The following NSD2 variants were observed in gnomAD, a reference collection of about 807,000 sequenced individuals.
NSD2 encodes histone-lysine N-methyltransferase NSD2.
In NSD2, 12 loss-of-function variants were observed where a neutral mutation model predicts 139.0. That is an observed-to-expected ratio of 0.09 (90% CI 0.06 to 0.14). NSD2 has a LOEUF of 0.14. Ranked by LOEUF, NSD2 falls within the 10% of genes least tolerant of loss-of-function variation. The probability of loss-of-function intolerance (pLI) is 1.00; values close to 1 mark genes in which losing one functional copy is unlikely to be tolerated. For missense variants in NSD2, 1,155 were observed against 1,745.0 expected (o/e 0.66, Z 6.02); for synonymous variants, 669 against 648.7 (o/e 1.03, Z -0.48).
intron 18 of NSD2, among the ~76,000 whole-genome samples, chr4:1,961,878 T>A (rs1191101795): frequency 6.6e-6 from 1 of 152,204 alleles, no homozygotes; most frequent in East Asian, 1.9e-4. Flanking sequence ...AGTGCCTGAG[T>A]GGTCTTTGAA....
intron 9 of NSD2, chr4:1,943,914 G>A (rs1723361162): frequency 9.4e-6 from 10 of 1,063,944 alleles, no homozygotes; most frequent in Non-Finnish European, 1.1e-5. Flanking sequence ...GCCCATAACT[G>A]ATAGATGCAT....
intron 3 of NSD2, among the ~76,000 whole-genome samples, chr4:1,907,093 G>A (rs1350088437): frequency 2.0e-5 from 3 of 152,160 alleles, no homozygotes; most frequent in Non-Finnish European, 4.4e-5. Context: ...CCAGGGTCTA[G>A]TTAGCTGGCT....
intron 1 of NSD2, among the ~76,000 whole-genome samples, chr4:1,888,757 G>A (rs889407345): frequency 2.6e-5 from 4 of 151,470 alleles, no homozygotes; most frequent in African/African-American, 7.3e-5. Context: ...ATAGAGATGG[G>A]GTTTCACCAT....
intron 7 of NSD2, 74 bp from the exon 8 acceptor site, chr4:1,938,377 C>CT (rs1357281168): frequency 1.3e-3 from 1,288 of 974,764 alleles, no homozygotes; most frequent in East Asian, 1.9e-3. Flanking sequence ...TGTTCTTTTT[C>CT]TTTTTTTTTC....
At chr4:1,947,127 T>C (rs536716634) in intron 9 of NSD2, 12 of 1,065,104 alleles carry the variant, frequency 1.1e-5, no homozygotes, top group East Asian at 1.0e-4. Context: ...TCGCAGACAG[T>C]GCACAGCCTG....
chr4:1,927,964 A>G (rs1371790602), intron 5 of NSD2, among the ~76,000 whole-genome samples: 1 of 151,982 alleles, frequency 6.6e-6, no homozygotes, highest in Non-Finnish European at 1.5e-5. Flanking sequence ...ATCATAGGTC[A>G]CTGCAGCCCT....
At chr4:1,931,475 G>A (rs1441316846) in intron 6 of NSD2, among the ~76,000 whole-genome samples, 1 of 152,046 alleles carries the variant, frequency 6.6e-6, no homozygotes, top group Non-Finnish European at 1.5e-5. Flanking sequence ...GTGGAAAACT[G>A]AGATTTGAAT....
intron 1 of NSD2, among the ~76,000 whole-genome samples, chr4:1,898,837 C>T (rs1050443171): frequency 2.0e-5 from 3 of 152,002 alleles, no homozygotes; most frequent in South Asian, 2.1e-4. Flanking sequence ...GATTTCCCCC[C>T]TCATTTTATA....
At position 1,978,944 on chromosome 4, in the gene NSD2, T is replaced by C; in HGVS notation, c.*35T>C. On this transcript the variant is annotated 3_prime_UTR_variant, in exon 22 of 22. Coordinates refer to ENST00000508803, the MANE Select transcript of NSD2 (RefSeq NM_001042424.3). The stretch of plus-strand genomic sequence containing the variant: ...GCCGCTTGGCCGGATCCAGGGGCGG[T>C]GCAGGGCGGCCGGCCCTGCCTGCGG... The C allele has an allele frequency of 1.4e-6, 2 of 1,457,656 alleles. No homozygotes were observed. Among genetic ancestry groups the C allele is most frequent in the Non-Finnish European group, 1.8e-6 (2 of 1,102,780 alleles). 90.3% of individuals were successfully genotyped at this position (1,457,656 alleles called of 1,614,324 possible). A position where few individuals can be genotyped will look rare whatever the true frequency, so the allele number is the denominator to read the frequency against.
chr4:1,914,068 G>C (rs1176315492), intron 3 of NSD2, among the ~76,000 whole-genome samples: 1 of 152,124 alleles, frequency 6.6e-6, no homozygotes, highest in Non-Finnish European at 1.5e-5. Flanking sequence ...TGTCGCCCAG[G>C]CTAGAGTTCA....
At chr4:1,886,407 A>G (rs1033778437) in intron 1 of NSD2, among the ~76,000 whole-genome samples, 5 of 152,128 alleles carry the variant, frequency 3.3e-5, no homozygotes, top group South Asian at 2.1e-4. Context: ...GGGTTTCACT[A>G]TGTTGGCCAG....
At chr4:1,946,598 T>G (rs1383916146) in intron 9 of NSD2, 2 of 1,026,226 alleles carry the variant, frequency 1.9e-6, no homozygotes, top group Non-Finnish European at 2.3e-6. Flanking sequence ...AGAAATATTC[T>G]GATTCATATT....
At position 1,979,492 on chromosome 4, in the gene NSD2, T is replaced by C. The variant is rs1325262374; in HGVS notation, c.*583T>C. ...CAGAAACGCTTCTTTTCCATCCTAG[T>C]GAGAAGCTGGCCCTGCAGGTGGTGG... On this transcript the variant is annotated 3_prime_UTR_variant, in exon 22 of 22. Transcript: ENST00000508803. 4.3e-6 allele frequency: 1 copy of C among 233,126 alleles called. No individual in the cohort carries two copies. Among genetic ancestry groups the C allele is most frequent in the Non-Finnish European group, 8.5e-6 (1 of 117,998 alleles). The allele number at this position is 233,126 out of a possible 1,614,324, so 14.4% of individuals were successfully genotyped here.
chr4:1,932,047 G>A (rs1398235240), intron 6 of NSD2, among the ~76,000 whole-genome samples: 4 of 152,092 alleles, frequency 2.6e-5, no homozygotes, highest in Non-Finnish European at 5.9e-5. Flanking sequence ...CAGGTTCTTG[G>A]GTGTCCTTTA....
intron 15 of NSD2, among the ~76,000 whole-genome samples, chr4:1,957,341 TG>T (rs2108963796): frequency 6.6e-6 from 1 of 151,296 alleles, no homozygotes; most frequent in South Asian, 2.1e-4. Context: ...TGGAGTGCAA[TG>T]GTGTGATCTC....
At position 1,955,166 on chromosome 4, in the gene NSD2, A is replaced by G; in HGVS notation, c.2344A>G (p.Met782Val). 6.2e-7 allele frequency: 1 copy of G among 1,603,076 alleles called. No homozygotes were observed. The highest frequency in any genetic ancestry group is 8.5e-7 in the Non-Finnish European group (1 of 1,170,594). Residue 782 changes from methionine to valine, a missense_variant, in exon 13 of 22, where the codon ATG (methionine) becomes GTG (valine). Met to Val is a conservative substitution (Grantham distance 21). This residue lies in a region of NSD2 where 120 missense variants were observed against 239.3 expected (regional missense o/e 0.50). Transcript: ENST00000508803. This position sits in a 1 kb window ranked among gnomAD's most constrained non-coding sequence, Gnocchi z 4.7. ...PSNPRPSKGK[M>V]MRCVRCPVAY... ...GTGTGTTTCTTTGCCTTCAGGTAAA[A>G]TGATGCGGTGTGTCCGCTGCCCCGT...
At position 1,981,981 on chromosome 4, in the gene NSD2, C is replaced by A. The variant is rs931278980; in HGVS notation, c.*3072C>A. 5.0e-6 allele frequency: 2 copies of A among 398,340 alleles called. No individual in the cohort carries two copies. The highest frequency in any genetic ancestry group is 2.1e-5 in the African/African-American group (1 of 48,564). 24.7% of individuals were successfully genotyped at this position (398,340 alleles called of 1,614,324 possible). On this transcript the variant is annotated 3_prime_UTR_variant, in exon 22 of 22. Transcript: ENST00000508803. ...TGCCTATTGGTGTCTAAACTTCATA[C>A]AATGTAAGGTCAGATTCCTTTTAGG...
At chr4:1,945,479 AT>A in intron 9 of NSD2, 1 of 1,063,614 alleles carries the variant, frequency 9.4e-7, no homozygotes, top group Non-Finnish European at 1.1e-6. Flanking sequence ...AAGATTATAA[AT>A]TAGCATCTAG....
At position 1,905,459 on chromosome 4, in the gene NSD2, A is replaced by G. The variant is rs181695047; in HGVS notation, c.760+1081A>G. On this transcript the variant is annotated intron_variant, in intron 3 of 21. Coordinates refer to ENST00000508803, the MANE Select transcript of NSD2 (RefSeq NM_001042424.3). ...TGGCCCCTTGGTGGTCCTTGCGTAC[A>G]TGTCCCCTTCTGGTCTCTGGCTGGA... Among the ~76,000 whole-genome samples the G allele has an allele frequency of 1.4e-4, 22 of 152,352 alleles. No individual in the cohort carries two copies. The East Asian group carries it at 3.9e-3, about 27-fold the overall frequency.
Sources: gnomAD v4.1 joint callset for allele counts (sites outside exome capture counted in the v4.1 genomes callset) on GRCh38, gnomAD v4.1.1 for gene constraint, gnomAD v4.1.1 regional missense constraint, Gnocchi (gnomAD v3.1) non-coding constraint, MANE v1.5 for transcripts, NCBI Gene and HGNC (gene_info 2026-07-23, HGNC 2026-07-21) for gene names.